Variants in BIN3 observed in about 807,000 individuals in gnomAD.
BIN3 encodes the protein bridging integrator 3.
Under a neutral mutation model 38.2 loss-of-function variants are expected in BIN3, and 41 were observed. The ratio of observed to expected loss-of-function variants is 1.07; its 90% CI spans 0.84 to 1.39. The LOEUF (loss-of-function observed/expected upper bound fraction) is 1.39, where lower values mean the gene tolerates loss of function less well. Ranked by LOEUF, BIN3 falls within the 40% of genes most tolerant of loss-of-function variation. BIN3 has a pLI of 0.00. For missense variants in BIN3, 361 were observed against 324.3 expected, an observed-to-expected ratio of 1.11 and a Z score of -0.87; for synonymous variants, 145 against 122.6, an observed-to-expected ratio of 1.18 and a Z score of -1.21.
At chr8:22,661,968 A>G in intron 1 of BIN3, among the ~76,000 whole-genome samples, 1 of 148,868 alleles carries the variant, frequency 6.7e-6, no homozygotes, top group East Asian at 2.0e-4. Flanking sequence ...TAATTTTTGT[A>G]TTTTTTAGTA....
chr8:22,624,066 G>C lies in BIN3; in HGVS notation c.481-17C>G. ...CTCTCGTGCCTAGGGAACAAGACCT[G>C]GGTGTCAAAACTCTCTCACTGCTGG... On this transcript the variant is annotated splice_polypyrimidine_tract_variant and intron_variant, in intron 7 of 8. Transcript: ENST00000276416. The C allele has an allele frequency of 6.2e-7, 1 of 1,610,798 alleles. No individual in the cohort carries two copies. Among genetic ancestry groups the C allele is most frequent in the Non-Finnish European group, 8.5e-7 (1 of 1,177,968 alleles).
intron 2 of BIN3, among the ~76,000 whole-genome samples, chr8:22,639,720 G>A (rs1802480199): frequency 6.6e-6 from 1 of 152,242 alleles, no homozygotes; most frequent in Non-Finnish European, 1.5e-5. Context: ...ATTTGGGGCT[G>A]CAGGCTGGGC....
At chr8:22,664,962 T>C (rs67729702) in intron 1 of BIN3, among the ~76,000 whole-genome samples, 40,903 of 152,230 alleles carry the variant, frequency 0.27, 6,530 homozygotes, top group East Asian at 0.53. Flanking sequence ...CAATTACCTG[T>C]TAGATACCCA....
intron 1 of BIN3, among the ~76,000 whole-genome samples, chr8:22,646,111 GAGT>G (rs1183017128): frequency 2.6e-5 from 4 of 152,164 alleles, no homozygotes; most frequent in Non-Finnish European, 4.4e-5. Context: ...TGCATAAAAC[GAGT>G]AGATTAAACT....
chr8:22,629,819 A>C (rs1802126859), intron 6 of BIN3, 145 bp downstream of exon 6: 2 of 801,540 alleles, frequency 2.5e-6, no homozygotes, highest in Non-Finnish European at 4.1e-6. Context: ...GCCACAGGTC[A>C]CAGAGCTGAC....
chr8:22,624,083 C>T, intron 7 of BIN3, 34 bp from the exon 8 acceptor site: 1 of 1,607,006 alleles, frequency 6.2e-7, no homozygotes, highest in Non-Finnish European at 8.5e-7. Flanking sequence ...AAAACTCTCT[C>T]ACTGCTGGGT....
intron 1 of BIN3, among the ~76,000 whole-genome samples, chr8:22,648,033 G>A (rs1040475130): frequency 1.3e-5 from 2 of 151,538 alleles, no homozygotes; most frequent in African/African-American, 2.4e-5. Flanking sequence ...TACTCAGGAG[G>A]CTGAGGCAGG....
chr8:22,649,485 G>A (rs991973906), intron 1 of BIN3, among the ~76,000 whole-genome samples: 1 of 152,066 alleles, frequency 6.6e-6, no homozygotes, highest in African/African-American at 2.4e-5. Context: ...GGGGTATAAG[G>A]GAGGAAAAGG....
chr8:22,640,152 T>C (rs1802498947), intron 2 of BIN3, among the ~76,000 whole-genome samples: 1 of 151,668 alleles, frequency 6.6e-6, no homozygotes, highest in Non-Finnish European at 1.5e-5. Context: ...CGTGAGCCAC[T>C]GTGCCCAGCC....
At chr8:22,630,081 C>A (rs572816884) in intron 5 of BIN3, 77 bp from the exon 6 acceptor site, 3 of 1,420,648 alleles carry the variant, frequency 2.1e-6, no homozygotes, top group Non-Finnish European at 2.9e-6. Context: ...CCCTAACTAC[C>A]AAAGGGCTAG....
In BIN3 at chr8:22,636,914, ACACT is replaced by A. The variant is rs767797715; in HGVS notation, c.98+4_98+7del. The stretch of plus-strand genomic sequence containing the variant: ...CTCCCACCTCATCTTTCTGGGGTTG[ACACT>A]CACTGCTGAAGTTTTCCATACTCCC... On this transcript the variant is annotated splice_donor_5th_base_variant and intron_variant, in intron 3 of 8. Transcript: ENST00000276416. 31 of 1,611,666 alleles carry A rather than the reference ACACT, an allele frequency of 1.9e-5. No individual in the cohort carries two copies. Among genetic ancestry groups the A allele is most frequent in the South Asian group, 1.8e-4 (16 of 91,024 alleles).
At chr8:22,661,559 T>C (rs1803238756) in intron 1 of BIN3, among the ~76,000 whole-genome samples, 1 of 151,836 alleles carries the variant, frequency 6.6e-6, no homozygotes, top group African/African-American at 2.4e-5. Context: ...GGTTTCACCA[T>C]GTTGGCCAGG....
At chr8:22,650,265 T>C (rs1802849113) in intron 1 of BIN3, among the ~76,000 whole-genome samples, 1 of 152,226 alleles carries the variant, frequency 6.6e-6, no homozygotes, top group Non-Finnish European at 1.5e-5. Context: ...ATTGAAACAT[T>C]TAACATTTTT....
At chr8:22,639,165 G>C (rs556694031) in intron 2 of BIN3, among the ~76,000 whole-genome samples, 105 of 152,332 alleles carry the variant, frequency 6.9e-4, no homozygotes, top group Non-Finnish European at 2.4e-4. Flanking sequence ...ATGCAGTTTA[G>C]AGGCATGAGC....
At chr8:22,638,783 G>C (rs1466352984) in intron 2 of BIN3, among the ~76,000 whole-genome samples, 3 of 152,106 alleles carry the variant, frequency 2.0e-5, no homozygotes, top group Admixed American at 6.5e-5. Flanking sequence ...ACAAAACTGT[G>C]AAGTAAAACC....
intron 6 of BIN3, chr8:22,626,073 C>A: frequency 6.6e-6 from 1 of 152,632 alleles, no homozygotes; most frequent in Non-Finnish European, 1.5e-5. Flanking sequence ...TCTACCTCAA[C>A]AGTGTCCATA....
At chr8:22,631,682 T>C (rs1471485442) in intron 4 of BIN3, among the ~76,000 whole-genome samples, 2 of 152,156 alleles carry the variant, frequency 1.3e-5, no homozygotes, top group Admixed American at 1.3e-4. Flanking sequence ...TCAGGCTCTG[T>C]CCATCAGGCA....
At chr8:22,633,023 CCT>C (rs1209392301) in intron 4 of BIN3, among the ~76,000 whole-genome samples, 7 of 152,166 alleles carry the variant, frequency 4.6e-5, no homozygotes. Context: ...TGCATTTTCC[CCT>C]TTCTTTCCTA....
At chr8:22,621,995 A>G (rs1801840703) in intron 8 of BIN3, among the ~76,000 whole-genome samples, 1 of 152,260 alleles carries the variant, frequency 6.6e-6, no homozygotes, top group Admixed American at 6.5e-5. Context: ...AGGCACAGGC[A>G]AGAAAGGGGA....
Sources: allele counts gnomAD v4.1 joint callset (sites outside exome capture counted in the v4.1 genomes callset), GRCh38; gene constraint gnomAD v4.1.1; transcripts MANE v1.5; gene names NCBI Gene and HGNC (gene_info 2026-07-23, HGNC 2026-07-21).